FYB1: variants seen among roughly 807,000 people sequenced by gnomAD.
FYB1 encodes the protein FYN binding protein 1.
Under a neutral mutation model 94.1 loss-of-function variants are expected in FYB1, and 41 were observed. The ratio of observed to expected loss-of-function variants is 0.44; its 90% CI spans 0.34 to 0.57. The LOEUF is 0.57. Ranked by LOEUF, FYB1 falls within the 20% of genes least tolerant of loss-of-function variation. The probability of loss-of-function intolerance (pLI) is 0.02; values close to 1 mark genes in which losing one functional copy is unlikely to be tolerated. For synonymous variants in FYB1, 367 were observed against 353.2 expected (o/e 1.04, Z -0.44); for missense variants, 1,050 against 976.8 (o/e 1.07, Z -1.00).
chr5:39,185,149 T>C (rs1746629757), intron 2 of FYB1, among the ~76,000 whole-genome samples: 1 of 152,182 alleles, frequency 6.6e-6, no homozygotes, highest in Admixed American at 6.5e-5. Context: ...AAGTAAACAC[T>C]GCTTTCTCCT....
intron 1 of FYB1, among the ~76,000 whole-genome samples, chr5:39,217,683 G>A (rs559716535): frequency 3.2e-4 from 49 of 152,252 alleles, no homozygotes; most frequent in African/African-American, 1.2e-3. Context: ...TCAAGCTCAG[G>A]ATCTTGATTC....
intron 1 of FYB1, among the ~76,000 whole-genome samples, chr5:39,232,523 TTTTATTTA>T (rs369384284): frequency 8.0e-5 from 12 of 150,770 alleles, no homozygotes; most frequent in African/African-American, 9.9e-5. Context: ...TAAACATTTA[TTTTATTTA>T]TTTATTTATT....
chr5:39,247,235 C>A (rs1751521588), intron 1 of FYB1, among the ~76,000 whole-genome samples: 1 of 150,876 alleles, frequency 6.6e-6, no homozygotes, highest in Non-Finnish European at 1.5e-5. Context: ...CATTTTCTTG[C>A]CTAATGGATT....
intron 2 of FYB1, among the ~76,000 whole-genome samples, chr5:39,192,846 C>A (rs2150465727): frequency 6.6e-6 from 1 of 152,328 alleles, no homozygotes; most frequent in Middle Eastern, 3.4e-3. Context: ...CTAAATGTGC[C>A]AAGGGAACTT....
intron 3 of FYB1, among the ~76,000 whole-genome samples, chr5:39,153,035 T>A (rs980685342): frequency 1.3e-5 from 2 of 152,166 alleles, no homozygotes; most frequent in African/African-American, 4.8e-5. Flanking sequence ...GTTATAGAGA[T>A]GATATATGTA....
intron 3 of FYB1, among the ~76,000 whole-genome samples, chr5:39,144,400 C>A (rs1018812739): frequency 2.0e-5 from 3 of 152,130 alleles, no homozygotes; most frequent in Non-Finnish European, 2.9e-5. Context: ...GAGCAATCAG[C>A]AAAATCTAGA....
rs575267287 is a variant in FYB1, at chr5:39,173,158, A to G, written c.1136-19554T>C. Among the ~76,000 whole-genome samples, 3 of 151,934 alleles carry G rather than the reference A, an allele frequency of 2.0e-5. No homozygotes were observed. The East Asian group carries it at 5.8e-4, about 29-fold the overall frequency. ...TAGTAGCCATTCTGATTGGTGTGAG[A>G]TCGTTTCTCATTATGGTTTTGATTT... On this transcript the variant is annotated intron_variant, in intron 2 of 18. Transcript: ENST00000512982.
At chr5:39,195,003 T>G (rs542943975) in intron 2 of FYB1, among the ~76,000 whole-genome samples, 18 of 152,236 alleles carry the variant, frequency 1.2e-4, no homozygotes, top group African/African-American at 4.3e-4. Flanking sequence ...GTGCAGGGTG[T>G]GCTGAGGGCC....
intron 5 of FYB1, 100 bp downstream of exon 5, chr5:39,139,131 GGA>G: frequency 8.5e-7 from 1 of 1,172,778 alleles, no homozygotes. Flanking sequence ...TTGCTCATAA[GGA>G]TTTTCATTTG....
At chr5:39,158,852 C>T (rs969813934) in intron 2 of FYB1, among the ~76,000 whole-genome samples, 3 of 152,174 alleles carry the variant, frequency 2.0e-5, no homozygotes, top group African/African-American at 7.2e-5. Flanking sequence ...AAAACCCTGA[C>T]CCTAGACTTG....
At chr5:39,123,556 C>A (rs1740332746) in intron 13 of FYB1, among the ~76,000 whole-genome samples, 1 of 152,068 alleles carries the variant, frequency 6.6e-6, no homozygotes, top group Non-Finnish European at 1.5e-5. Flanking sequence ...TGAGTTTGTC[C>A]CTTACATATT....
intron 11 of FYB1, among the ~76,000 whole-genome samples, chr5:39,127,059 C>CAAAAAAAAAAAAA (rs200980181): frequency 1.3e-5 from 1 of 77,492 alleles, no homozygotes; most frequent in Non-Finnish European, 2.7e-5. Context: ...ACTCAGGTCT[C>CAAAAAAAAAAAAA]AAAAAAAAAA....
chr5:39,224,271 G>A (rs1285146485), upstream of FYB1, among the ~76,000 whole-genome samples: 2 of 152,138 alleles, frequency 1.3e-5, no homozygotes, highest in African/African-American at 4.8e-5. Context: ...GTGTTTGAAA[G>A]TGAAATGATT....
chr5:39,143,717 C>CA (rs1259475310), intron 3 of FYB1, among the ~76,000 whole-genome samples: 2 of 152,108 alleles, frequency 1.3e-5, no homozygotes, highest in African/African-American at 4.8e-5. Context: ...TCACTAAAAC[C>CA]ATAAAATGGG....
intron 2 of FYB1, among the ~76,000 whole-genome samples, chr5:39,179,513 C>T (rs995030644): frequency 6.6e-6 from 1 of 152,022 alleles, no homozygotes; most frequent in East Asian, 1.9e-4. Flanking sequence ...CAGGAAAGTC[C>T]ACTTTGCTCC....
At chr5:39,180,670 G>C (rs1204690628) in intron 2 of FYB1, among the ~76,000 whole-genome samples, 1 of 152,270 alleles carries the variant, frequency 6.6e-6, no homozygotes, top group African/African-American at 2.4e-5. Context: ...CTGCCTCCAC[G>C]AAGTGGTAAA....
intron 12 of FYB1, 65 bp from the exon 13 acceptor site, chr5:39,124,343 TA>T (rs1740425731): frequency 8.8e-7 from 1 of 1,133,984 alleles, no homozygotes; most frequent in South Asian, 1.6e-5. Flanking sequence ...GATTCCGTTA[TA>T]TAGGAGAGTA....
Position 39,184,739 on chromosome 5 carries a change from C to T in FYB1, c.1135+17087G>A, listed in dbSNP as rs1008947232. ...AAAAAATCTCTTCAATAAATGTATA[C>T]ATTTCTTGATGATCCATCCTTTGCC... On this transcript the variant is annotated intron_variant, in intron 2 of 18. Coordinates refer to ENST00000512982, the MANE Select transcript of FYB1 (RefSeq NM_001465.6). Among the ~76,000 whole-genome samples, 179 of 152,176 alleles carry T rather than the reference C, an allele frequency of 1.2e-3. 2 individuals are homozygous for T. Among genetic ancestry groups the T allele is most frequent in the Middle Eastern group, 3.4e-3 (1 of 294 alleles).
At chr5:39,136,094 G>T (rs1050126976) in intron 7 of FYB1, among the ~76,000 whole-genome samples, 2 of 151,848 alleles carry the variant, frequency 1.3e-5, no homozygotes, top group Non-Finnish European at 2.9e-5. Context: ...TTTTGAGATG[G>T]AGTCTCGCTC....
Sources: allele counts gnomAD v4.1 joint callset (sites outside exome capture counted in the v4.1 genomes callset), GRCh38; gene constraint gnomAD v4.1.1; transcripts MANE v1.5; gene names NCBI Gene and HGNC (gene_info 2026-07-23, HGNC 2026-07-21).